Variants in NELL1 observed in about 807,000 individuals in gnomAD.
NELL1 encodes neural EGFL like 1.
A neutral mutation model predicts 107.4 loss-of-function variants in NELL1; 76 were observed. The ratio of observed to expected loss-of-function variants is 0.71; its 90% confidence interval spans 0.59 to 0.86. The LOEUF (loss-of-function observed/expected upper bound fraction) is 0.86. Among genes scored for constraint, NELL1 ranks in the 40% least tolerant of loss-of-function variants. The pLI, the probability that NELL1 is intolerant of heterozygous loss-of-function variation, is 0.00. For missense variants in NELL1, 1,024 were observed against 1,005.5 expected (o/e 1.02, Z -0.25); for synonymous variants, 353 against 341.2 (o/e 1.03, Z -0.38).
At chr11:21,479,104 T>C (rs1420683088) in intron 15 of NELL1, among the ~76,000 whole-genome samples, 3 of 152,114 alleles carry the variant, frequency 2.0e-5, no homozygotes, top group African/African-American at 7.2e-5. Flanking sequence ...TGTAAAGTAG[T>C]GCAACCACTA....
chr11:20,704,823 C>A (rs1279249765), intron 2 of NELL1, among the ~76,000 whole-genome samples: 1 of 152,090 alleles, frequency 6.6e-6, no homozygotes, highest in African/African-American at 2.4e-5. Flanking sequence ...TGTCAAGATA[C>A]AAAATCAATA....
At chr11:21,227,847 C>T (rs1041924410) in intron 13 of NELL1, among the ~76,000 whole-genome samples, 1 of 152,058 alleles carries the variant, frequency 6.6e-6, no homozygotes, top group Non-Finnish European at 1.5e-5. Context: ...CATGTGTGTG[C>T]CCTACCTCTG....
chr11:20,726,911 G>A (rs559754359), intron 2 of NELL1, among the ~76,000 whole-genome samples: 1 of 152,080 alleles, frequency 6.6e-6, no homozygotes, highest in Non-Finnish European at 1.5e-5. Context: ...CCATGTCCCT[G>A]CAAAGGACAT....
intron 12 of NELL1, among the ~76,000 whole-genome samples, chr11:21,077,105 A>G (rs1854154732): frequency 6.6e-6 from 1 of 152,132 alleles, no homozygotes; most frequent in African/African-American, 2.4e-5. Context: ...CATGCAAGGG[A>G]ATAAAAGTAG....
intron 12 of NELL1, among the ~76,000 whole-genome samples, chr11:21,028,618 C>T (rs1440601652): frequency 6.6e-6 from 1 of 152,200 alleles, no homozygotes; most frequent in Non-Finnish European, 1.5e-5. Flanking sequence ...CCATTTTCCC[C>T]TATCAGTTGT....
intron 14 of NELL1, among the ~76,000 whole-genome samples, chr11:21,355,823 C>A (rs1203824929): frequency 6.6e-6 from 1 of 152,154 alleles, no homozygotes; most frequent in African/African-American, 2.4e-5. Context: ...ACCTTCTGGT[C>A]AGAAGAGTTT....
chr11:20,922,958 C>T (rs1273412260), intron 7 of NELL1, among the ~76,000 whole-genome samples: 1 of 152,022 alleles, frequency 6.6e-6, no homozygotes, highest in Non-Finnish European at 1.5e-5. Flanking sequence ...ACTCTTAAAC[C>T]TAGAAAATAT....
At chr11:20,689,443 A>G (rs1277651344) in intron 2 of NELL1, among the ~76,000 whole-genome samples, 1 of 55,718 alleles carries the variant, frequency 1.8e-5, no homozygotes, top group East Asian at 7.9e-4. Flanking sequence ...CCCTCCCCCC[A>G]CCCCACAACA....
At chr11:21,509,097 CAAG>C (rs1008942591) in intron 15 of NELL1, among the ~76,000 whole-genome samples, 5 of 152,028 alleles carry the variant, frequency 3.3e-5, no homozygotes, top group African/African-American at 9.6e-5. Context: ...ATTACAGAAA[CAAG>C]AAAATCAATA....
At chr11:20,948,955 T>C (rs1205661804) in intron 11 of NELL1, among the ~76,000 whole-genome samples, 1 of 152,110 alleles carries the variant, frequency 6.6e-6, no homozygotes, top group African/African-American at 2.4e-5. Context: ...TTTTGCTTTT[T>C]TTTTCCTATC....
intron 14 of NELL1, among the ~76,000 whole-genome samples, chr11:21,279,334 C>T (rs1330971652): frequency 6.6e-6 from 1 of 152,070 alleles, no homozygotes; most frequent in Non-Finnish European, 1.5e-5. Flanking sequence ...GAAGGCAAGT[C>T]ATTGAGTGGG....
chr11:20,731,133 C>G (rs550485550), intron 2 of NELL1, among the ~76,000 whole-genome samples: 82 of 152,320 alleles, frequency 5.4e-4, no homozygotes, highest in Non-Finnish European at 5.9e-4. Context: ...GACACCTACA[C>G]TACTTAACAT....
intron 2 of NELL1, among the ~76,000 whole-genome samples, chr11:20,697,493 C>A (rs567545514): frequency 2.0e-5 from 3 of 150,048 alleles, no homozygotes; most frequent in Admixed American, 1.3e-4. Flanking sequence ...TTTCAAGTAG[C>A]TTGTTTTATG....
intron 15 of NELL1, among the ~76,000 whole-genome samples, chr11:21,517,656 C>T (rs1037046252): frequency 5.9e-5 from 9 of 152,150 alleles, no homozygotes; most frequent in Admixed American, 1.3e-4. Context: ...TAACCAGTAT[C>T]ACTATGGCTA....
At chr11:21,065,883 C>G (rs954993370) in intron 12 of NELL1, among the ~76,000 whole-genome samples, 13 of 152,138 alleles carry the variant, frequency 8.5e-5, no homozygotes, top group African/African-American at 3.1e-4. Flanking sequence ...GTTATTTTCC[C>G]CTTGTTCATC....
At chr11:21,488,361 T>G (rs1854699612) in intron 15 of NELL1, among the ~76,000 whole-genome samples, 1 of 152,222 alleles carries the variant, frequency 6.6e-6, no homozygotes, top group African/African-American at 2.4e-5. Flanking sequence ...GAAGGCTTTT[T>G]GCTGAAGATG....
intron 13 of NELL1, among the ~76,000 whole-genome samples, chr11:21,181,106 C>A (rs1170889496): frequency 6.6e-6 from 1 of 151,806 alleles, no homozygotes; most frequent in East Asian, 1.9e-4. Flanking sequence ...ATAGCAGGAG[C>A]TAGAACAATT....
chr11:21,518,677 G>T (rs1855636179), intron 15 of NELL1, among the ~76,000 whole-genome samples: 1 of 152,186 alleles, frequency 6.6e-6, no homozygotes, highest in Admixed American at 6.5e-5. Context: ...CCACCACCAG[G>T]CTTGTAGTTT....
rs939998907 is a variant in NELL1, at chr11:21,323,292, T to C, written c.1550-47561T>C. Among the ~76,000 whole-genome samples the C allele has an allele frequency of 3.9e-5, 6 of 152,304 alleles. 1 individual carries two copies. Among genetic ancestry groups the C allele is most frequent in the Admixed American group, 3.9e-4 (6 of 15,286 alleles). On this transcript the variant is annotated intron_variant, in intron 14 of 19. Transcript: ENST00000357134. ...CATCACATTGTGAGACAGAACAGTG[T>C]GTTTAAAGCTCGCTGATGGTTCTCT...
Sources: allele counts gnomAD v4.1 joint callset (sites outside exome capture counted in the v4.1 genomes callset), GRCh38; gene constraint gnomAD v4.1.1; transcripts MANE v1.5; gene names NCBI Gene and HGNC (gene_info 2026-07-23, HGNC 2026-07-21).